The following TPD52L1 variants were observed in gnomAD, a reference collection of about 807,000 sequenced individuals.
TPD52L1 encodes the protein tumor protein D53.
A neutral mutation model predicts 28.7 loss-of-function variants in TPD52L1; 18 were observed. That is an observed-to-expected ratio of 0.63 (90% CI 0.43 to 0.93). The LOEUF is 0.93. Ranked by LOEUF, TPD52L1 falls within the 40% of genes least tolerant of loss-of-function variation. The probability of loss-of-function intolerance (pLI) is 0.00; values close to 1 mark genes in which losing one functional copy is unlikely to be tolerated. For synonymous variants in TPD52L1, 75 were observed against 88.8 expected (o/e 0.84, Z 0.88); for missense variants, 203 against 254.8 (o/e 0.80, Z 1.39).
chr6:125,168,571 G>A (rs1233469653), intron 1 of TPD52L1, among the ~76,000 whole-genome samples: 1 of 150,024 alleles, frequency 6.7e-6, no homozygotes, highest in Non-Finnish European at 1.5e-5. Context: ...AGGCTGGAGT[G>A]CAGTGGCACA....
At position 125,252,061 on chromosome 6, in the gene TPD52L1, G is replaced by C. The variant is rs984162682; in HGVS notation, c.387-1656G>C. ...GGTAAGCGCCACAGGGCTGCGTGTGGGGCTTTCCCCACTCCCTTGCTGCCC... is the reference window on the plus strand; with the variant it reads ...GGTAAGCGCCACAGGGCTGCGTGTGCGGCTTTCCCCACTCCCTTGCTGCCC... On this transcript the variant is annotated intron_variant, in intron 4 of 6. Transcript: ENST00000534000. 10 of 1,535,898 alleles carry C rather than the reference G, an allele frequency of 6.5e-6. No individual in the cohort carries two copies. In the East Asian group the frequency reaches 2.2e-4, roughly 34 times the overall value.
At chr6:125,213,395 G>T (rs1794646687) in intron 1 of TPD52L1, among the ~76,000 whole-genome samples, 1 of 152,026 alleles carries the variant, frequency 6.6e-6, no homozygotes, top group African/African-American at 2.4e-5. Flanking sequence ...TCTTCAGGTA[G>T]CTGGGAACAT....
intron 4 of TPD52L1, among the ~76,000 whole-genome samples, chr6:125,249,024 G>T (rs1229213920): frequency 1.3e-5 from 2 of 151,732 alleles, no homozygotes; most frequent in South Asian, 2.1e-4. Context: ...CATAAAATAA[G>T]GGTGACCATC....
intron 1 of TPD52L1, among the ~76,000 whole-genome samples, chr6:125,219,433 T>C (rs1371810841): frequency 6.6e-6 from 1 of 152,168 alleles, no homozygotes; most frequent in Admixed American, 6.5e-5. Context: ...TCGAGCCACA[T>C]CTGCAGTGGA....
chr6:125,170,022 C>T (rs1009338059), intron 1 of TPD52L1, among the ~76,000 whole-genome samples: 1 of 152,144 alleles, frequency 6.6e-6, no homozygotes, highest in Non-Finnish European at 1.5e-5. Flanking sequence ...CCTGCTTCCT[C>T]ACTTTCTTTG....
In TPD52L1 at chr6:125,153,939, G is replaced by C. The variant is rs369434549; in HGVS notation, c.-13G>C. ...AGGGTGTCCCCGCCGCCCTCAGCTC[G>C]AAGTCAGCCACCATGGAGGCGCAGG... is the stretch of plus-strand genomic sequence containing the variant. On this transcript the variant is annotated 5_prime_UTR_variant, in exon 1 of 7. Coordinates refer to ENST00000534000, the MANE Select transcript of TPD52L1 (RefSeq NM_003287.4). 4 of 1,605,538 alleles carry C rather than the reference G, an allele frequency of 2.5e-6. No homozygotes were observed. The African/African-American group carries it at 4.0e-5, about 16-fold the overall frequency.
At chr6:125,160,850 C>CTTTTTT (rs57061570) in intron 1 of TPD52L1, among the ~76,000 whole-genome samples, 2 of 129,440 alleles carry the variant, frequency 1.5e-5, no homozygotes, top group African/African-American at 3.0e-5. Flanking sequence ...ACAGAGATGA[C>CTTTTTT]TTTTTTTTTT....
At chr6:125,159,282 T>G (rs866654784) in intron 1 of TPD52L1, among the ~76,000 whole-genome samples, 2 of 152,260 alleles carry the variant, frequency 1.3e-5, no homozygotes, top group Non-Finnish European at 2.9e-5. Context: ...AAATCCTTTG[T>G]TGTCATTTAC....
At chr6:125,154,504 C>G in intron 1 of TPD52L1, 1 of 984,768 alleles carries the variant, frequency 1.0e-6, no homozygotes, top group African/African-American at 1.8e-5. Flanking sequence ...TGAACGTTAC[C>G]GGCCCCCTGA....
chr6:125,224,619 C>A (rs1488613212), intron 2 of TPD52L1, among the ~76,000 whole-genome samples: 1 of 152,150 alleles, frequency 6.6e-6, no homozygotes, highest in Non-Finnish European at 1.5e-5. Context: ...AATCTTGGGT[C>A]TCTTAGCCAA....
At chr6:125,186,912 T>C (rs922812050) in intron 1 of TPD52L1, among the ~76,000 whole-genome samples, 5 of 152,158 alleles carry the variant, frequency 3.3e-5, no homozygotes, top group Non-Finnish European at 4.4e-5. Context: ...TTGGGGTGAC[T>C]GTTTCAGCCA....
At chr6:125,170,084 G>A (rs973625573) in intron 1 of TPD52L1, among the ~76,000 whole-genome samples, 4 of 152,064 alleles carry the variant, frequency 2.6e-5, no homozygotes, top group African/African-American at 9.7e-5. Context: ...CTGGCAACTG[G>A]ACCCAGATCT....
intron 6 of TPD52L1, chr6:125,260,985 A>AAG: frequency 1.0e-4 from 4 of 39,260 alleles, no homozygotes; most frequent in African/African-American, 7.3e-4. Flanking sequence ...AGAAAAGAAA[A>AAG]GAAAGAAAGA....
intron 1 of TPD52L1, among the ~76,000 whole-genome samples, chr6:125,214,710 CA>C (rs1352772907): frequency 3.9e-5 from 6 of 152,114 alleles, no homozygotes; most frequent in African/African-American, 1.4e-4. Flanking sequence ...TGCCTTAGAC[CA>C]GCTAGGAAAA....
intron 1 of TPD52L1, among the ~76,000 whole-genome samples, chr6:125,175,305 G>T (rs755185894): frequency 3.9e-5 from 6 of 152,148 alleles, no homozygotes; most frequent in Non-Finnish European, 7.3e-5. Flanking sequence ...ATCCAACCAA[G>T]CAGGTGGTAG....
chr6:125,214,403 TCTC>T, intron 1 of TPD52L1: 3 of 970,644 alleles, frequency 3.1e-6, no homozygotes, highest in Non-Finnish European at 3.7e-6. Flanking sequence ...CTCCTCATTC[TCTC>T]CTCCTTTCCT....
chr6:125,177,386 C>T (rs1791889218), intron 1 of TPD52L1, among the ~76,000 whole-genome samples: 1 of 152,166 alleles, frequency 6.6e-6, no homozygotes. Context: ...TCTCAACTCT[C>T]ACAGCATTTT....
At chr6:125,219,737 G>A (rs560919874) in intron 1 of TPD52L1, 3 of 337,290 alleles carry the variant, frequency 8.9e-6, no homozygotes, top group Admixed American at 4.1e-5. Flanking sequence ...CTCCATGGGC[G>A]GGCCTTGGGC....
intron 5 of TPD52L1, among the ~76,000 whole-genome samples, chr6:125,255,495 G>T (rs1159576742): frequency 6.6e-6 from 1 of 152,052 alleles, no homozygotes; most frequent in Non-Finnish European, 1.5e-5. Flanking sequence ...AAAATGTGAT[G>T]CCATGTCAGG....
Sources: gnomAD v4.1 joint callset for allele counts (sites outside exome capture counted in the v4.1 genomes callset) on GRCh38, gnomAD v4.1.1 for gene constraint, MANE v1.5 for transcripts, NCBI Gene and HGNC (gene_info 2026-07-23, HGNC 2026-07-21) for gene names.